The following ASL variants were observed in gnomAD, a reference collection of about 807,000 sequenced individuals.
The protein encoded by ASL is argininosuccinase.
Under a neutral mutation model 69.1 loss-of-function variants are expected in ASL, and 51 were observed. That is an observed-to-expected ratio of 0.74 (90% CI 0.59 to 0.93). The LOEUF (loss-of-function observed/expected upper bound fraction) is 0.93. ASL is among the 40% of genes least tolerant of loss of function. ASL has a pLI of 0.00. For missense variants in ASL, 540 were observed against 623.9 expected, an observed-to-expected ratio of 0.87 and a Z score of 1.43; for synonymous variants, 241 against 247.6, an observed-to-expected ratio of 0.97 and a Z score of 0.25.
At chr7:66,092,132 C>T (rs200768732) in intron 15 of ASL, 46 bp downstream of exon 15, 43 of 1,598,712 alleles carry the variant, frequency 2.7e-5, no homozygotes, top group Non-Finnish European at 3.4e-5. Context: ...TGGGGTGCCC[C>T]CCCCAGAGGG....
In ASL at chr7:66,092,802, G is replaced by T. The variant is rs1415535789; in HGVS notation, c.1285G>T (p.Asp429Tyr). Residue 429 changes from aspartate to tyrosine, a missense_variant, in exon 17 of 17, where the codon GAC (aspartate) becomes TAC (tyrosine). Physicochemically the swap from Asp to Tyr is radical, Grantham distance 160. Coordinates refer to ENST00000304874, the MANE Select transcript of ASL (RefSeq NM_000048.4). Reference sequence around the variant, plus strand: ...CTCGGGCGACGTGATCTGCGTGTGGGACTACGGGCACAGTGTGGAGCAGTA... The same window carrying T: ...CTCGGGCGACGTGATCTGCGTGTGGTACTACGGGCACAGTGTGGAGCAGTA... The part of the protein sequence containing the change: ...LFSGDVICVW[D>Y]YGHSVEQYGA... 1.2e-6 allele frequency: 2 copies of T among 1,613,912 alleles called. No homozygotes were observed. The highest frequency in any genetic ancestry group is 2.2e-5 in the East Asian group (1 of 44,876).
intron 2 of ASL, among the ~76,000 whole-genome samples, chr7:66,078,626 C>CTTA (rs140699491): frequency 0.044 from 6,700 of 151,208 alleles, 490 homozygotes; most frequent in African/African-American, 0.15. Context: ...TTATCCTTAT[C>CTTA]TTATTATTAT....
chr7:66,082,197 A>C (rs1455001410), intron 3 of ASL, among the ~76,000 whole-genome samples, 171 bp from the exon 4 acceptor site: 1 of 152,116 alleles, frequency 6.6e-6, no homozygotes, highest in Non-Finnish European at 1.5e-5. Flanking sequence ...CACATGGCTC[A>C]TGGGTAAAGG....
In ASL at chr7:66,087,810, G is replaced by A. The variant is rs1786715380; in HGVS notation, c.718+19G>A. The A allele has an allele frequency of 6.2e-7, 1 of 1,613,982 alleles. No homozygotes were observed. The highest frequency in any genetic ancestry group is 1.1e-5 in the South Asian group (1 of 91,088). On this transcript the variant is annotated intron_variant, in intron 10 of 16. Coordinates refer to ENST00000304874, the MANE Select transcript of ASL (RefSeq NM_000048.4). ...TTTGTGGGTGAGTCCTGGGGAGCCA[G>A]TCCCCTGCCCTGTGCCTCACTTTAG... is the stretch of plus-strand genomic sequence containing the variant.
At position 66,076,054 on chromosome 7, in the gene ASL, G is replaced by A. The variant is rs1317454620; in HGVS notation, c.-28G>A. The A allele has an allele frequency of 3.1e-6, 5 of 1,596,464 alleles. No individual in the cohort carries two copies. The highest frequency in any genetic ancestry group is 2.7e-5 in the African/African-American group (2 of 74,700). The stretch of plus-strand genomic sequence containing the variant: ...TGTCTTCCAGACCCGGAGGACCGAA[G>A]CTTCCGGACGACGAGGAACCGCCCA... On this transcript the variant is annotated 5_prime_UTR_variant, in exon 2 of 17. Transcript: ENST00000304874.
chr7:66,089,543 G>T (rs1341715220), intron 13 of ASL, 69 bp from the exon 14 acceptor site: 8 of 1,553,678 alleles, frequency 5.1e-6, no homozygotes, highest in African/African-American at 1.4e-5. Context: ...TCAGTGGGGG[G>T]GTGGGGCTGT....
At chr7:66,077,026 T>C (rs1183380204) in intron 2 of ASL, among the ~76,000 whole-genome samples, 2 of 152,190 alleles carry the variant, frequency 1.3e-5, no homozygotes, top group African/African-American at 4.8e-5. Flanking sequence ...ACCAGTCACT[T>C]GAGCCCTTTA....
chr7:66,092,778 T>G lies in ASL; in HGVS notation c.1261T>G (p.Ser421Ala). 6 of 1,613,782 alleles carry G rather than the reference T, an allele frequency of 3.7e-6. No individual in the cohort carries two copies. The highest frequency in any genetic ancestry group is 5.1e-6 in the Non-Finnish European group (6 of 1,179,964). ...TTCCTCTCTCCCCAGCCCCCTGTTCTCGGGCGACGTGATCTGCGTGTGGGA... is the reference window on the plus strand; with the variant it reads ...TTCCTCTCTCCCCAGCCCCCTGTTCGCGGGCGACGTGATCTGCGTGTGGGA... The part of the protein sequence containing the change: ...QELQTISPLF[S>A]GDVICVWDYG... The change falls in exon 17 of 17, where the codon TCG (serine) becomes GCG (alanine). Residue 421 changes from serine to alanine, a missense_variant. Ser to Ala is a moderately conservative substitution (Grantham distance 99). Transcript: ENST00000304874.
At chr7:66,088,420 G>A (rs1452216990) in intron 10 of ASL, among the ~76,000 whole-genome samples, 1 of 152,160 alleles carries the variant, frequency 6.6e-6, no homozygotes, top group East Asian at 1.9e-4. Context: ...GGTAGAGGTT[G>A]CAGTGAGCCA....
intron 6 of ASL, 171 bp downstream of exon 6, chr7:66,083,345 G>T (rs1786566698): frequency 3.1e-6 from 2 of 648,680 alleles, no homozygotes; most frequent in East Asian, 2.9e-5. Context: ...TTTCCTGCAG[G>T]CCCCAATACT....
Position 66,083,189 on chromosome 7 carries a change from G to T in ASL, c.446+15G>T. On this transcript the variant is annotated intron_variant, in intron 6 of 16. Transcript: ENST00000304874. The stretch of plus-strand genomic sequence containing the variant: ...CGGGCAGAGGCGTGAGTCCTACAGG[G>T]ACACCCAGGGGGCAGACAGAGGTGT... 6.2e-7 allele frequency: 1 copy of T among 1,611,274 alleles called. No homozygotes were observed. The highest frequency in any genetic ancestry group is 1.1e-5 in the South Asian group (1 of 90,954).
intron 14 of ASL, 93 bp downstream of exon 14, chr7:66,089,788 G>A (rs1046854888): frequency 1.8e-5 from 25 of 1,394,162 alleles, no homozygotes; most frequent in Non-Finnish European, 2.5e-5. Context: ...GTGAGGTGGG[G>A]CTGGAGGACC....
intron 6 of ASL, 85 bp from the exon 7 acceptor site, chr7:66,086,500 G>A: frequency 6.9e-7 from 1 of 1,439,818 alleles, no homozygotes; most frequent in South Asian, 1.2e-5. Flanking sequence ...TTTTTCCAGG[G>A]GTGACCCAGG....
chr7:66,087,850 T>C, intron 10 of ASL, 59 bp downstream of exon 10: 1 of 1,599,578 alleles, frequency 6.3e-7, no homozygotes, highest in South Asian at 1.1e-5. Context: ...TCAGCCCAGC[T>C]TCTCTCCAGT....
At chr7:66,083,248 G>A (rs1786564394) in intron 6 of ASL, 74 bp downstream of exon 6, 4 of 1,525,046 alleles carry the variant, frequency 2.6e-6, no homozygotes, top group South Asian at 1.1e-5. Context: ...TAGGGGGCAG[G>A]GGTGAACAGC....
chr7:66,085,654 C>G (rs1317901174), intron 6 of ASL, among the ~76,000 whole-genome samples: 1 of 151,160 alleles, frequency 6.6e-6, no homozygotes, highest in Non-Finnish European at 1.5e-5. Flanking sequence ...GTCGCCCAGG[C>G]TGAAGTGCAA....
intron 2 of ASL, among the ~76,000 whole-genome samples, chr7:66,078,439 G>A (rs1786410078): frequency 6.6e-6 from 1 of 152,044 alleles, no homozygotes; most frequent in Non-Finnish European, 1.5e-5. Flanking sequence ...GGTCTCTGGG[G>A]TGCATACAGG....
intron 2 of ASL, among the ~76,000 whole-genome samples, chr7:66,078,936 G>A (rs1786425178): frequency 6.6e-6 from 1 of 152,076 alleles, no homozygotes; most frequent in African/African-American, 2.4e-5. Context: ...TTGAGACAGA[G>A]TCTTGCTCTG....
At position 66,092,542 on chromosome 7, in the gene ASL, C is replaced by T. The variant is rs1262289821; in HGVS notation, c.1144-15C>T. On this transcript the variant is annotated splice_polypyrimidine_tract_variant and intron_variant, in intron 15 of 16. Coordinates refer to ENST00000304874, the MANE Select transcript of ASL (RefSeq NM_000048.4). ...AGAAACCTGCCTCAGCGCCATCTTC[C>T]TCCCTGGCACCCAGATGCCATTCCG... 8 of 1,604,580 alleles carry T rather than the reference C, an allele frequency of 5.0e-6. No individual in the cohort carries two copies. Among genetic ancestry groups the T allele is most frequent in the Non-Finnish European group, 6.8e-6 (8 of 1,179,248 alleles).
Sources: gnomAD v4.1 joint callset for allele counts (sites outside exome capture counted in the v4.1 genomes callset) on GRCh38, gnomAD v4.1.1 for gene constraint, MANE v1.5 for transcripts, NCBI Gene and HGNC (gene_info 2026-07-23, HGNC 2026-07-21) for gene names.